Variants in MORN5 observed in about 807,000 individuals in gnomAD.
MORN5 encodes the protein MORN repeat containing 5.
In MORN5, 21 loss-of-function variants were observed where a neutral mutation model predicts 22.1. The ratio of observed to expected loss-of-function variants is 0.95; its 90% CI spans 0.67 to 1.37. The LOEUF is 1.37. Among genes scored for constraint, MORN5 ranks in the 40% most tolerant of loss-of-function variants. MORN5 has a pLI of 0.00. For missense variants in MORN5, 211 were observed against 215.1 expected, an observed-to-expected ratio of 0.98 and a Z score of 0.12; for synonymous variants, 73 against 74.0, an observed-to-expected ratio of 0.99 and a Z score of 0.07.
chr9:122,161,579 T>C (rs1184634057), intron 1 of MORN5, among the ~76,000 whole-genome samples: 2 of 152,166 alleles, frequency 1.3e-5, no homozygotes, highest in African/African-American at 4.8e-5. Context: ...GAGTCAGGAT[T>C]TGAACCCAAT....
chr9:122,193,053 C>G (rs1439113832), intron 4 of MORN5, among the ~76,000 whole-genome samples: 1 of 152,228 alleles, frequency 6.6e-6, no homozygotes, highest in Admixed American at 6.5e-5. Flanking sequence ...GACTTCGGCT[C>G]AGGGAAGGCT....
intron 4 of MORN5, among the ~76,000 whole-genome samples, chr9:122,181,801 A>G (rs921086530): frequency 1.3e-5 from 2 of 152,188 alleles, no homozygotes; most frequent in African/African-American, 2.4e-5. Context: ...GGTAGTACCT[A>G]TTGGAGAAAT....
intron 4 of MORN5, among the ~76,000 whole-genome samples, chr9:122,183,906 G>A (rs1320512374): frequency 1.3e-5 from 2 of 152,170 alleles, no homozygotes; most frequent in South Asian, 2.1e-4. Flanking sequence ...GAACCTGTGG[G>A]TTCCAGACAG....
At chr9:122,182,756 C>T (rs11789115) in intron 4 of MORN5, among the ~76,000 whole-genome samples, 1,616 of 152,218 alleles carry the variant, frequency 0.011, 15 homozygotes, top group Non-Finnish European at 0.015. Flanking sequence ...GTCTCAAAAA[C>T]CAACAAAAAA....
At chr9:122,164,034 G>A (rs945888544) in intron 1 of MORN5, among the ~76,000 whole-genome samples, 2 of 152,128 alleles carry the variant, frequency 1.3e-5, no homozygotes, top group African/African-American at 2.4e-5. Flanking sequence ...ACAGATATGC[G>A]CCACCATGCC....
At chr9:122,176,768 C>T (rs1237898613) in intron 4 of MORN5, among the ~76,000 whole-genome samples, 1 of 152,120 alleles carries the variant, frequency 6.6e-6, no homozygotes, top group Non-Finnish European at 1.5e-5. Flanking sequence ...ATCCCAGCTA[C>T]TCAGGAGGCT....
rs112387894 is a variant in MORN5 at position 122,174,489 on chromosome 9, T to A, written c.308-7T>A. 7 of 1,613,532 alleles carry A rather than the reference T, an allele frequency of 4.3e-6. No individual in the cohort carries two copies. Among genetic ancestry groups the A allele is most frequent in the African/African-American group, 1.3e-5 (1 of 74,960 alleles). On this transcript the variant is annotated splice_region_variant and splice_polypyrimidine_tract_variant and intron_variant, in intron 3 of 4. Transcript: ENST00000373764. Reference sequence around the variant, plus strand: ...GGTGAACTAATTGCCCATTATGTTCTTTCAAGGTATGGCTCAACTCACCAA... The same window carrying A: ...GGTGAACTAATTGCCCATTATGTTCATTCAAGGTATGGCTCAACTCACCAA...
At chr9:122,188,344 C>A (rs1209584644) in intron 4 of MORN5, among the ~76,000 whole-genome samples, 2 of 152,208 alleles carry the variant, frequency 1.3e-5, no homozygotes, top group African/African-American at 4.8e-5. Context: ...AGTAGCCTCC[C>A]CTGTAAAAGA....
At chr9:122,160,250 A>G (rs1829171234) in intron 1 of MORN5, among the ~76,000 whole-genome samples, 1 of 152,236 alleles carries the variant, frequency 6.6e-6, no homozygotes, top group African/African-American at 2.4e-5. Flanking sequence ...AGTTTTAAAC[A>G]TAGGAATAAG....
chr9:122,187,816 T>C (rs1441563819), intron 4 of MORN5, among the ~76,000 whole-genome samples: 1 of 152,234 alleles, frequency 6.6e-6, no homozygotes, highest in Non-Finnish European at 1.5e-5. Context: ...TGCCAGGAGC[T>C]ACATTCACAG....
intron 4 of MORN5, among the ~76,000 whole-genome samples, chr9:122,181,573 A>G (rs1204332051): frequency 6.6e-6 from 1 of 152,182 alleles, no homozygotes; most frequent in Non-Finnish European, 1.5e-5. Context: ...ACACAAAACA[A>G]AAGAGAGACT....
At chr9:122,193,934 G>T (rs1829832190) in intron 4 of MORN5, among the ~76,000 whole-genome samples, 1 of 152,250 alleles carries the variant, frequency 6.6e-6, no homozygotes, top group Admixed American at 6.5e-5. Context: ...TTGAAGGCCA[G>T]GCTGAGGAGT....
chr9:122,198,986 C>G (rs761648162), intron 4 of MORN5, among the ~76,000 whole-genome samples: 2 of 152,164 alleles, frequency 1.3e-5, no homozygotes, highest in Non-Finnish European at 2.9e-5. Flanking sequence ...CTCTATCCCA[C>G]CATTGGTGTA....
At chr9:122,174,792 G>A (rs1588305165) in intron 4 of MORN5, 165 bp downstream of exon 4, 2 of 1,501,538 alleles carry the variant, frequency 1.3e-6, no homozygotes, top group East Asian at 2.5e-5. Context: ...TCTCGTGGCT[G>A]GCAAATCTGT....
chr9:122,175,328 G>C, intron 4 of MORN5: 1 of 331,202 alleles, frequency 3.0e-6, no homozygotes, highest in Non-Finnish European at 4.3e-6. Flanking sequence ...CAAGAAGGTT[G>C]GTTCATCCTT....
chr9:122,188,510 C>T (rs888732551), intron 4 of MORN5, among the ~76,000 whole-genome samples: 1 of 152,232 alleles, frequency 6.6e-6, no homozygotes, highest in Admixed American at 6.5e-5. Context: ...ACAACAGGCT[C>T]CCGCCTGCCG....
At chr9:122,190,006 T>G (rs914506971) in intron 4 of MORN5, among the ~76,000 whole-genome samples, 10 of 152,116 alleles carry the variant, frequency 6.6e-5, no homozygotes, top group Admixed American at 5.2e-4. Context: ...AGGGTCATTA[T>G]GACTATGGGA....
At chr9:122,195,020 CAAAA>C (rs34845051) in intron 4 of MORN5, among the ~76,000 whole-genome samples, 1 of 111,978 alleles carries the variant, frequency 8.9e-6, no homozygotes. Context: ...AACTCCATCT[CAAAA>C]AAAAAAAAAA....
chr9:122,186,222 T>C (rs1003475173), intron 4 of MORN5, among the ~76,000 whole-genome samples: 8 of 152,160 alleles, frequency 5.3e-5, no homozygotes, highest in African/African-American at 1.9e-4. Flanking sequence ...CTTTGAGGAA[T>C]AGACCATTAT....
Sources: gnomAD v4.1 joint callset for allele counts (sites outside exome capture counted in the v4.1 genomes callset) on GRCh38, gnomAD v4.1.1 for gene constraint, MANE v1.5 for transcripts, NCBI Gene and HGNC (gene_info 2026-07-23, HGNC 2026-07-21) for gene names.